Variants in AGBL1 observed in about 807,000 individuals in gnomAD.
AGBL1 encodes the protein cytosolic carboxypeptidase 4.
In AGBL1, 130 loss-of-function variants were observed where a neutral mutation model predicts 118.9. That is an observed-to-expected ratio of 1.09 (90% CI 0.95 to 1.26). The LOEUF is 1.26. Ranked by LOEUF, AGBL1 falls within the 50% of genes most tolerant of loss-of-function variation. AGBL1 has a pLI of 0.00. For missense variants in AGBL1, 1,584 were observed against 1,298.1 expected (o/e 1.22, Z -3.38); for synonymous variants, 555 against 478.9 (o/e 1.16, Z -2.08).
intron 1 of AGBL1, among the ~76,000 whole-genome samples, chr15:86,131,235 G>A (rs897556407): frequency 6.6e-6 from 1 of 152,106 alleles, no homozygotes; most frequent in African/African-American, 2.4e-5. Flanking sequence ...TGAAAGGTAA[G>A]CAATGTCACT....
intron 22 of AGBL1, among the ~76,000 whole-genome samples, chr15:86,834,786 C>T (rs1463407539): frequency 6.6e-6 from 1 of 152,158 alleles, no homozygotes; most frequent in African/African-American, 2.4e-5. Flanking sequence ...TCTGGAGCTT[C>T]TCCGTTGACA....
chr15:86,563,960 C>G (rs528560873), intron 21 of AGBL1, among the ~76,000 whole-genome samples: 1 of 151,910 alleles, frequency 6.6e-6, no homozygotes, highest in East Asian at 1.9e-4. Context: ...CAACCCCTGC[C>G]TTTTTTGTTT....
chr15:86,760,387 TCCTACTTG>T (rs774522457), intron 22 of AGBL1, among the ~76,000 whole-genome samples: 14 of 152,066 alleles, frequency 9.2e-5, no homozygotes, highest in Non-Finnish European at 1.8e-4. Context: ...ACCCGCATTC[TCCTACTTG>T]CCCATTCGTC....
chr15:86,372,026 C>G (rs1407996731), intron 17 of AGBL1, among the ~76,000 whole-genome samples: 3 of 152,196 alleles, frequency 2.0e-5, no homozygotes, highest in Non-Finnish European at 4.4e-5. Flanking sequence ...CCCAGCATTT[C>G]CCCGAAAGTG....
chr15:86,960,987 C>T (rs148621368), intron 23 of AGBL1, among the ~76,000 whole-genome samples: 167 of 152,040 alleles, frequency 1.1e-3, no homozygotes, highest in African/African-American at 3.7e-3. Flanking sequence ...AGTTATAAGA[C>T]GACTAAGTTC....
chr15:86,456,121 A>G (rs2082255645), intron 18 of AGBL1, among the ~76,000 whole-genome samples: 1 of 152,214 alleles, frequency 6.6e-6, no homozygotes, highest in African/African-American at 2.4e-5. Context: ...CAATTTTAAA[A>G]TTCAGAATAG....
Position 86,914,947 on chromosome 15 carries a change from TCTC to T in AGBL1, c.*7658_*7660del, listed in dbSNP as rs1210042959. 1.3e-5 allele frequency: 2 copies of T among 152,080 alleles called. No individual in the cohort carries two copies. The highest frequency in any genetic ancestry group is 1.3e-4 in the Admixed American group (2 of 15,258). The allele number at this position is 152,080 out of a possible 1,614,324, so 9.4% of individuals were successfully genotyped here. A position where few individuals can be genotyped will look rare whatever the true frequency, so the allele number is the denominator to read the frequency against. On this transcript the variant is annotated 3_prime_UTR_variant, in exon 23 of 23. Coordinates refer to ENST00000614907, the MANE Select transcript of AGBL1 (RefSeq NM_001386094.1). ...AAACTCAACAGGTTCAAAGTCAAAA[TCTC>T]CTCCCAACAAAATCTCTACCTCCAA...
intron 21 of AGBL1, among the ~76,000 whole-genome samples, chr15:86,657,234 C>T (rs1046937572): frequency 6.6e-6 from 1 of 152,174 alleles, no homozygotes; most frequent in Non-Finnish European, 1.5e-5. Context: ...ACAATGCCAA[C>T]TGTACAAGTG....
intron 17 of AGBL1, among the ~76,000 whole-genome samples, chr15:86,359,266 T>A (rs1375235348): frequency 6.6e-6 from 1 of 151,978 alleles, no homozygotes. Context: ...TACCATTTTC[T>A]GAAGAGACTG....
chr15:86,456,742 G>T (rs1037586723), intron 18 of AGBL1, among the ~76,000 whole-genome samples: 1 of 152,152 alleles, frequency 6.6e-6, no homozygotes, highest in Admixed American at 6.5e-5. Context: ...TGTATTTCAT[G>T]ACAGTTTTGA....
At chr15:86,940,857 T>C (rs189477349) in intron 23 of AGBL1, among the ~76,000 whole-genome samples, 13 of 152,328 alleles carry the variant, frequency 8.5e-5, no homozygotes, top group Admixed American at 8.5e-4. Context: ...GAAATATAAA[T>C]TTGAAAGGAC....
chr15:86,972,300 A>T (rs1337040780), intron 23 of AGBL1, among the ~76,000 whole-genome samples: 1 of 151,998 alleles, frequency 6.6e-6, no homozygotes, highest in Admixed American at 6.6e-5. Flanking sequence ...AACATTTGGC[A>T]TTCCTGAAAT....
At chr15:86,240,632 A>T (rs1337606467) in intron 6 of AGBL1, among the ~76,000 whole-genome samples, 1 of 152,186 alleles carries the variant, frequency 6.6e-6, no homozygotes, top group Non-Finnish European at 1.5e-5. Flanking sequence ...GTAAGAGTTC[A>T]ATCCCCCCAG....
chr15:86,414,501 T>C (rs543371832), intron 18 of AGBL1, among the ~76,000 whole-genome samples: 1 of 152,324 alleles, frequency 6.6e-6, no homozygotes, highest in Non-Finnish European at 1.5e-5. Flanking sequence ...ATTTTCTTAA[T>C]GGCTTCTGCA....
chr15:86,416,942 T>C (rs1044922787), intron 18 of AGBL1, among the ~76,000 whole-genome samples: 3 of 152,232 alleles, frequency 2.0e-5, no homozygotes, highest in African/African-American at 7.2e-5. Flanking sequence ...GCAATTTCTC[T>C]TGGACAAAGA....
At chr15:86,108,879 C>A (rs1322811727) in intron 1 of AGBL1, among the ~76,000 whole-genome samples, 1 of 152,156 alleles carries the variant, frequency 6.6e-6, no homozygotes, top group Non-Finnish European at 1.5e-5. Context: ...ATCACTTGAA[C>A]CCGGGAGGTG....
rs143569708 is a variant in AGBL1, at chr15:86,090,751, G to A, written c.51+10728G>A. On this transcript the variant is annotated intron_variant, in intron 1 of 22. Transcript: ENST00000614907. Reference sequence around the variant, plus strand: ...AACTTTTCTTTAATGGATTATTTTTGCTGCAAAGCTTTTCCCCCATGATCT... The same window carrying A: ...AACTTTTCTTTAATGGATTATTTTTACTGCAAAGCTTTTCCCCCATGATCT... Among the ~76,000 whole-genome samples the A allele has an allele frequency of 3.1e-3, 464 of 151,946 alleles. 16 individuals carry two copies. The South Asian group carries it at 0.066, about 22-fold the overall frequency.
At position 86,697,730 on chromosome 15, in the gene AGBL1, G is replaced by T. The variant is rs139007280; in HGVS notation, c.3158+23294G>T. 7.6e-3 allele frequency among the ~76,000 whole-genome samples: 1,156 copies of T among 152,032 alleles called. 19 individuals carry two copies. The highest frequency in any genetic ancestry group is 0.027 in the African/African-American group (1,111 of 41,502). On this transcript the variant is annotated intron_variant, in intron 22 of 22. Transcript: ENST00000614907. Reference sequence around the variant, plus strand: ...TTTGGGTGGGCTATGTCGGAGGGAAGATCTGGGGATCAAGACTGCTGTTTA... The same window carrying T: ...TTTGGGTGGGCTATGTCGGAGGGAATATCTGGGGATCAAGACTGCTGTTTA...
intron 17 of AGBL1, among the ~76,000 whole-genome samples, chr15:86,318,938 T>C (rs532287116): frequency 1.3e-5 from 2 of 152,266 alleles, no homozygotes; most frequent in Admixed American, 1.3e-4. Context: ...ATTTTATATA[T>C]GTTGATTAAA....
Sources: gnomAD v4.1 joint callset for allele counts (sites outside exome capture counted in the v4.1 genomes callset) on GRCh38, gnomAD v4.1.1 for gene constraint, MANE v1.5 for transcripts, NCBI Gene and HGNC (gene_info 2026-07-23, HGNC 2026-07-21) for gene names.